The following SLC13A2 variants were observed in gnomAD, a reference collection of about 807,000 sequenced individuals.
SLC13A2 encodes the protein Na(+)-coupled citrate transporter.
In SLC13A2, 40 loss-of-function variants were observed where a neutral mutation model predicts 58.5. The observed-to-expected ratio is 0.68, with a 90% CI of 0.53 to 0.89. SLC13A2 has a LOEUF of 0.89. Among genes scored for constraint, SLC13A2 ranks in the 40% least tolerant of loss-of-function variants. The pLI is 0.00. For missense variants in SLC13A2, 694 were observed against 772.6 expected, an observed-to-expected ratio of 0.90 and a Z score of 1.21; for synonymous variants, 341 against 331.6, an observed-to-expected ratio of 1.03 and a Z score of -0.31.
Position 28,494,950 on chromosome 17 carries a change from C to T in SLC13A2, c.1308+438C>T, listed in dbSNP as rs77462228. 0.022 allele frequency among the ~76,000 whole-genome samples: 3,388 copies of T among 152,220 alleles called. 85 individuals carry two copies. The highest frequency in any genetic ancestry group is 0.063 in the Admixed American group (970 of 15,302). ...ACCAGAACATCTTTCCCCAGAGCCT[C>T]CATCCAAAAGAGGGAAATCCCTGAC... is the stretch of plus-strand genomic sequence containing the variant. On this transcript the variant is annotated intron_variant, in intron 9 of 11. Coordinates refer to ENST00000314669, the MANE Select transcript of SLC13A2 (RefSeq NM_003984.4). This position sits in a 1 kb window ranked among gnomAD's most constrained non-coding sequence, Gnocchi z 4.0.
intron 1 of SLC13A2, among the ~76,000 whole-genome samples, chr17:28,485,280 G>T (rs928217777): frequency 6.6e-6 from 1 of 152,176 alleles, no homozygotes; most frequent in African/African-American, 2.4e-5. Flanking sequence ...TGAGAATGGC[G>T]ACCTGGACTT....
rs200486942 is a variant in SLC13A2, at chr17:28,473,803, G to A, written c.91G>A (p.Val31Ile). 466 of 1,613,906 alleles carry A rather than the reference G, an allele frequency of 2.9e-4. No homozygotes were observed. Among genetic ancestry groups the A allele is most frequent in the Non-Finnish European group, 3.7e-4 (437 of 1,179,922 alleles). The change falls in exon 1 of 12, where the codon GTC becomes ATC. Residue 31 changes from valine to isoleucine, a missense_variant. Physicochemically the swap from Val to Ile is conservative, Grantham distance 29. Transcript: ENST00000314669. ...TCTCCTGCTGCCTCTGCCCATCCTC[G>A]TCCCCAGTAAGGTAAGGACTTGGTG... ...PILLLPLPIL[V>I]PSKEAYCAYA...
chr17:28,495,700 C>T lies in SLC13A2; in HGVS notation c.1354C>T (p.Gln452Ter), dbSNP rs782623516. The stretch of plus-strand genomic sequence containing the variant: ...GCTGGGAAACAAGCTGACCCCACTG[C>T]AGAGTGTGCCAGCTCCAGCCATTGC... ...EWLGNKLTPL[Q>*]SVPAPAIAII... Residue 452 changes from glutamine to a stop codon, truncating the protein, a stop_gained, in exon 10 of 12, where the codon CAG becomes TAG. Coordinates refer to ENST00000314669, the MANE Select transcript of SLC13A2 (RefSeq NM_003984.4). LOFTEE classifies it high-confidence loss of function. 3 of 1,612,312 alleles carry T rather than the reference C, an allele frequency of 1.9e-6. No individual in the cohort carries two copies. The highest frequency in any genetic ancestry group is 2.5e-6 in the Non-Finnish European group (3 of 1,179,958).
At chr17:28,477,293 A>G (rs534789245) in intron 1 of SLC13A2, among the ~76,000 whole-genome samples, 1 of 141,572 alleles carries the variant, frequency 7.1e-6, no homozygotes, top group Non-Finnish European at 1.5e-5. Flanking sequence ...TCCCAGGTTC[A>G]TGCCATTCTC....
rs181506080 is a variant in SLC13A2 at position 28,488,484 on chromosome 17, C to A, written c.103-730C>A. On this transcript the variant is annotated intron_variant, in intron 1 of 11. Transcript: ENST00000314669. ...GGAGAGGCTCTATAAGGGGGGTGGG[C>A]CTCCATTCTTGCCCCAGGTCCCCTT... 1.9e-3 allele frequency among the ~76,000 whole-genome samples: 295 copies of A among 152,320 alleles called. 10 individuals carry two copies. The highest frequency in any genetic ancestry group is 0.015 in the Admixed American group (225 of 15,312).
intron 4 of SLC13A2, 51 bp from the exon 5 acceptor site, chr17:28,491,386 C>G: frequency 6.3e-7 from 1 of 1,598,830 alleles, no homozygotes; most frequent in African/African-American, 1.3e-5. Context: ...GGCCCCGTTC[C>G]CCAGAGCTGG....
intron 1 of SLC13A2, among the ~76,000 whole-genome samples, chr17:28,476,222 G>A (rs970314107): frequency 3.9e-5 from 6 of 151,924 alleles, no homozygotes; most frequent in African/African-American, 7.3e-5. Context: ...GTCACTCCCC[G>A]CCCTCGGATC....
intron 1 of SLC13A2, among the ~76,000 whole-genome samples, chr17:28,488,647 A>G (rs2068937334): frequency 1.3e-5 from 2 of 152,334 alleles, no homozygotes; most frequent in Middle Eastern, 3.4e-3. Flanking sequence ...GAAACTTCAC[A>G]TAGCCTATAA....
chr17:28,490,834 G>A lies in SLC13A2; in HGVS notation c.502G>A (p.Val168Ile), dbSNP rs782087379. Residue 168 changes from valine (V) to isoleucine (I), a missense_variant, in exon 4 of 12, where the codon GTC (valine) becomes ATC (isoleucine). Val to Ile is a conservative substitution (Grantham distance 29). Coordinates refer to ENST00000314669, the MANE Select transcript of SLC13A2 (RefSeq NM_003984.4). ...QLHSSQASSN[V>I]EEGSNNPTFE... ...GCACAGCTCGCAAGCCAGCAGCAAC[G>A]TCGAGGAGGGCAGCAACAACCCCAC... 1.2e-5 allele frequency: 20 copies of A among 1,614,028 alleles called. No individual in the cohort carries two copies. The East Asian group carries it at 1.6e-4, about 13-fold the overall frequency.
chr17:28,481,860 C>T (rs1265164435), intron 1 of SLC13A2, among the ~76,000 whole-genome samples: 1 of 152,236 alleles, frequency 6.6e-6, no homozygotes. Context: ...TGGAGTCTCA[C>T]TGTGTTGCCA....
At chr17:28,486,293 C>G (rs1318710323) in intron 1 of SLC13A2, among the ~76,000 whole-genome samples, 1 of 152,192 alleles carries the variant, frequency 6.6e-6, no homozygotes, top group Non-Finnish European at 1.5e-5. Flanking sequence ...AGTCAAATAT[C>G]TGTGACCAAG....
intron 1 of SLC13A2, among the ~76,000 whole-genome samples, chr17:28,478,844 G>C (rs1459887452): frequency 6.6e-6 from 1 of 152,180 alleles, no homozygotes; most frequent in East Asian, 1.9e-4. Context: ...GGTGTGTTGG[G>C]AAGAGAAAGT....
chr17:28,493,919 G>C (rs1206676758), intron 7 of SLC13A2, 98 bp from the exon 8 acceptor site: 24 of 1,477,492 alleles, frequency 1.6e-5, no homozygotes, highest in Non-Finnish European at 2.3e-5. Flanking sequence ...CCCCAGGCTT[G>C]TCTATGGGAG....
chr17:28,473,823 T>C lies in SLC13A2; in HGVS notation c.102+9T>C. The C allele has an allele frequency of 1.2e-6, 2 of 1,612,850 alleles. No homozygotes were observed. Among genetic ancestry groups the C allele is most frequent in the Non-Finnish European group, 8.5e-7 (1 of 1,178,996 alleles). ...TCCTCGTCCCCAGTAAGGTAAGGAC[T>C]TGGTGTTCTGAGCACAGATAACTCC... On this transcript the variant is annotated intron_variant, in intron 1 of 11. Coordinates refer to ENST00000314669, the MANE Select transcript of SLC13A2 (RefSeq NM_003984.4).
At chr17:28,492,452 T>C (rs771910029) in intron 6 of SLC13A2, among the ~76,000 whole-genome samples, 10 of 152,066 alleles carry the variant, frequency 6.6e-5, no homozygotes, top group Non-Finnish European at 1.2e-4. Context: ...GTCAGCCAGG[T>C]AGAGAATGGG....
At chr17:28,487,888 G>A (rs952662212) in intron 1 of SLC13A2, among the ~76,000 whole-genome samples, 7 of 152,326 alleles carry the variant, frequency 4.6e-5, no homozygotes, top group African/African-American at 1.7e-4. Context: ...GCTACACACT[G>A]CACAATTACT....
Position 28,493,784 on chromosome 17 carries a change from G to A in SLC13A2, c.1092G>A (p.Gly364=), listed in dbSNP as rs782495461. Residue 364 remains glycine (G), a synonymous_variant, in exon 7 of 12, where the codon GGG becomes GGA. Transcript: ENST00000314669. ...ATTTGGCTTTTCCCAATGCCAAGGG[G>A]GAGAGGTGAGAGTTGCAGGGGTTGG... ...WGNLAFPNAK[G]ESMVSDGTVA... is the part of the protein sequence containing the mutation. 1 of 1,614,166 alleles carries A rather than the reference G, an allele frequency of 6.2e-7. No individual in the cohort carries two copies. Among genetic ancestry groups the A allele is most frequent in the Non-Finnish European group, 8.5e-7 (1 of 1,180,034 alleles).
rs782553720 is a variant in SLC13A2 at position 28,494,353 on chromosome 17, G to A, written c.1187-38G>A. On this transcript the variant is annotated intron_variant, in intron 8 of 11. Coordinates refer to ENST00000314669, the MANE Select transcript of SLC13A2 (RefSeq NM_003984.4). The surrounding 1 kb of genome is among the most constrained non-coding windows in gnomAD (Gnocchi z 4.0). Reference sequence around the variant, plus strand: ...AAATGGAGAGGGGAAAGGCCTGTTTGTTCTTTGGTGACCCATCCTTCTCTG... The same window carrying A: ...AAATGGAGAGGGGAAAGGCCTGTTTATTCTTTGGTGACCCATCCTTCTCTG... 6.2e-7 allele frequency: 1 copy of A among 1,614,030 alleles called. No individual in the cohort carries two copies. Among genetic ancestry groups the A allele is most frequent in the African/African-American group, 1.3e-5 (1 of 74,942 alleles).
rs1298267468 is a variant in SLC13A2 at position 28,494,642 on chromosome 17, C to A, written c.1308+130C>A. The stretch of plus-strand genomic sequence containing the variant: ...GTAGGAGCCTCTCGGGTAGGCAGAG[C>A]CTTTGCAGCAGCTGGGAAGACTTAG... On this transcript the variant is annotated intron_variant, in intron 9 of 11. Transcript: ENST00000314669. This position sits in a 1 kb window ranked among gnomAD's most constrained non-coding sequence, Gnocchi z 4.0. 8 of 1,336,552 alleles carry A rather than the reference C, an allele frequency of 6.0e-6. No homozygotes were observed. In the East Asian group the frequency reaches 1.9e-4, roughly 32 times the overall value. 82.8% of individuals were successfully genotyped at this position (1,336,552 alleles called of 1,614,324 possible). A position where few individuals can be genotyped will look rare whatever the true frequency, so the allele number is the denominator to read the frequency against.
Sources: allele counts gnomAD v4.1 joint callset (sites outside exome capture counted in the v4.1 genomes callset), GRCh38; gene constraint gnomAD v4.1.1; non-coding constraint Gnocchi (gnomAD v3.1); transcripts MANE v1.5; gene names NCBI Gene and HGNC (gene_info 2026-07-23, HGNC 2026-07-21).